Variants in TRDN observed in about 807,000 individuals in gnomAD.
TRDN encodes the protein triadin in skeletal muscle.
A neutral mutation model predicts 149.7 loss-of-function variants in TRDN; 161 were observed. The ratio of observed to expected loss-of-function variants is 1.08; its 90% CI spans 0.95 to 1.23. The LOEUF (loss-of-function observed/expected upper bound fraction) is 1.23. Ranked by LOEUF, TRDN falls within the 50% of genes most tolerant of loss-of-function variation. The probability of loss-of-function intolerance (pLI) is 0.00; values close to 1 mark genes in which losing one functional copy is unlikely to be tolerated. For synonymous variants in TRDN, 294 were observed against 250.5 expected, an observed-to-expected ratio of 1.17 and a Z score of -1.64; for missense variants, 896 against 823.5, an observed-to-expected ratio of 1.09 and a Z score of -1.08.
At chr6:123,618,995 G>A (rs1785243916) in intron 1 of TRDN, among the ~76,000 whole-genome samples, 1 of 152,084 alleles carries the variant, frequency 6.6e-6, no homozygotes, top group Non-Finnish European at 1.5e-5. Flanking sequence ...TGAAACTGAA[G>A]AAGTATAACA....
At position 123,582,134 on chromosome 6, in the gene TRDN, C is replaced by A. The variant is rs145636840; in HGVS notation, c.23-11002G>T. 1.2e-3 allele frequency among the ~76,000 whole-genome samples: 184 copies of A among 152,212 alleles called. 1 individual carries two copies. Among genetic ancestry groups the A allele is most frequent in the African/African-American group, 4.2e-3 (175 of 41,532 alleles). ...AAAACCAATAATCAATACATGTACCCTATACATTGGTTCAGTTCAGAAGAG... is the reference window on the plus strand; with the variant it reads ...AAAACCAATAATCAATACATGTACCATATACATTGGTTCAGTTCAGAAGAG... On this transcript the variant is annotated intron_variant, in intron 1 of 40. Coordinates refer to ENST00000334268, the MANE Select transcript of TRDN (RefSeq NM_006073.4).
At chr6:123,596,144 A>G (rs1352191534) in intron 1 of TRDN, among the ~76,000 whole-genome samples, 1 of 152,142 alleles carries the variant, frequency 6.6e-6, no homozygotes, top group Non-Finnish European at 1.5e-5. Flanking sequence ...GACATAAATG[A>G]TAAAAAAGCA....
intron 10 of TRDN, chr6:123,441,979 C>T (rs1007184286): frequency 1.3e-5 from 2 of 152,206 alleles, no homozygotes; most frequent in African/African-American, 4.8e-5. Context: ...CATACCTCAT[C>T]ACTGTCACCT....
At chr6:123,488,413 A>T (rs1016373541) in intron 9 of TRDN, among the ~76,000 whole-genome samples, 6 of 152,098 alleles carry the variant, frequency 3.9e-5, no homozygotes, top group Admixed American at 3.9e-4. Flanking sequence ...AAAGTCTCCC[A>T]CTTCTCCCGG....
rs1177329353 is a variant in TRDN at position 123,290,986 on chromosome 6, GT to G, written c.1511-11905del. Among the ~76,000 whole-genome samples the G allele has an allele frequency of 1.3e-5, 2 of 151,904 alleles. 1 individual carries two copies. The highest frequency in any genetic ancestry group is 4.8e-5 in the African/African-American group (2 of 41,366). ...AGCCTGGCCAACATGGTGAAACTCT[GT>G]TTCTATTAAAAATACAAAAATTAGC... On this transcript the variant is annotated intron_variant, in intron 24 of 40. Transcript: ENST00000334268.
intron 12 of TRDN, among the ~76,000 whole-genome samples, chr6:123,403,549 G>T (rs1006195811): frequency 6.6e-6 from 1 of 152,168 alleles, no homozygotes; most frequent in South Asian, 2.1e-4. Flanking sequence ...GACAATTAGG[G>T]TAGCAAGATC....
intron 21 of TRDN, among the ~76,000 whole-genome samples, chr6:123,339,329 T>C (rs1343864164): frequency 1.3e-5 from 2 of 152,068 alleles, no homozygotes; most frequent in African/African-American, 2.4e-5. Context: ...TTTGTTTTTG[T>C]TTTTGTTTTT....
At chr6:123,488,637 C>T (rs945115531) in intron 9 of TRDN, 1 of 151,434 alleles carries the variant, frequency 6.6e-6, no homozygotes. Flanking sequence ...TATTTCCTTT[C>T]GTTGGACTTT....
At chr6:123,297,653 T>C (rs183842000) in intron 24 of TRDN, among the ~76,000 whole-genome samples, 153 of 152,142 alleles carry the variant, frequency 1.0e-3, no homozygotes, top group African/African-American at 3.5e-3. Flanking sequence ...ATTCTGATCA[T>C]AGCCACAGAA....
At chr6:123,308,035 T>C (rs1778677677) in intron 24 of TRDN, among the ~76,000 whole-genome samples, 1 of 151,922 alleles carries the variant, frequency 6.6e-6, no homozygotes, top group African/African-American at 2.4e-5. Context: ...CTAGTAGTCC[T>C]AAGTGTCTAT....
Position 123,218,436 on chromosome 6 carries a change from A to T in TRDN, c.*165T>A. The T allele has an allele frequency of 2.9e-6, 2 of 690,510 alleles. No homozygotes were observed. Among genetic ancestry groups the T allele is most frequent in the Non-Finnish European group, 4.7e-6 (2 of 424,648 alleles). 42.8% of individuals were successfully genotyped at this position (690,510 alleles called of 1,614,324 possible). ...CTTAGACCCTTAAACATGTCTGCTC[A>T]TCACTCAATCCATTTGGCCACCCTT... On this transcript the variant is annotated 3_prime_UTR_variant, in exon 41 of 41. Transcript: ENST00000334268.
chr6:123,224,362 G>T (rs772519232), intron 38 of TRDN, among the ~76,000 whole-genome samples: 31 of 151,670 alleles, frequency 2.0e-4, no homozygotes, highest in African/African-American at 4.8e-5. Context: ...GCTGGTAAAG[G>T]TTACTTAGGG....
chr6:123,422,059 A>G (rs145021919), intron 12 of TRDN, among the ~76,000 whole-genome samples: 1 of 152,284 alleles, frequency 6.6e-6, no homozygotes, highest in Non-Finnish European at 1.5e-5. Flanking sequence ...AATAACAACT[A>G]TTTACATAAC....
At chr6:123,438,039 A>C in intron 12 of TRDN, 24 bp downstream of exon 12, 1 of 1,585,054 alleles carries the variant, frequency 6.3e-7, no homozygotes, top group Non-Finnish European at 8.6e-7. Flanking sequence ...TAATCCATCT[A>C]AGGAAACAAA....
At chr6:123,258,904 G>A (rs566444343) in intron 35 of TRDN, among the ~76,000 whole-genome samples, 1 of 152,210 alleles carries the variant, frequency 6.6e-6, no homozygotes. Context: ...ATTTCTTCTA[G>A]ATTTTCTAGT....
intron 38 of TRDN, among the ~76,000 whole-genome samples, chr6:123,224,793 CA>C (rs1365813371): frequency 1.3e-5 from 2 of 151,642 alleles, no homozygotes. Flanking sequence ...AAAACTGAAA[CA>C]CTTTTAAAAG....
chr6:123,418,685 C>A (rs1773763697), intron 12 of TRDN: 1 of 152,204 alleles, frequency 6.6e-6, no homozygotes, highest in Non-Finnish European at 1.5e-5. Context: ...CAACCCCCAA[C>A]CCCAACATAA....
intron 1 of TRDN, among the ~76,000 whole-genome samples, chr6:123,605,436 G>A (rs1784485397): frequency 6.6e-6 from 1 of 151,744 alleles, no homozygotes; most frequent in Non-Finnish European, 1.5e-5. Context: ...CACATCAGAT[G>A]TGTAAGATGA....
In TRDN at chr6:123,509,063, A is replaced by G. The variant is rs149530122; in HGVS notation, c.610+3240T>C. 3.1e-3 allele frequency among the ~76,000 whole-genome samples: 467 copies of G among 152,236 alleles called. 3 individuals are homozygous for G. Among genetic ancestry groups the G allele is most frequent in the African/African-American group, 0.011 (440 of 41,558 alleles). On this transcript the variant is annotated intron_variant, in intron 7 of 40. Transcript: ENST00000334268. ...ATACACATACATATATATGTTTTAA[A>G]CAGACACATATATACATATGCATAC...
Sources: allele counts gnomAD v4.1 joint callset (sites outside exome capture counted in the v4.1 genomes callset), GRCh38; gene constraint gnomAD v4.1.1; transcripts MANE v1.5; gene names NCBI Gene and HGNC (gene_info 2026-07-23, HGNC 2026-07-21).